Variants in VPS13A observed in about 807,000 individuals in gnomAD.
The protein encoded by VPS13A is vacuolar protein sorting 13 homolog A, also known as intermembrane lipid transfer protein VPS13A.
A neutral mutation model predicts 390.9 loss-of-function variants in VPS13A; 264 were observed. The observed-to-expected ratio is 0.68, with a 90% CI of 0.61 to 0.75. The LOEUF (loss-of-function observed/expected upper bound fraction) is 0.75. VPS13A is among the 30% of genes least tolerant of loss of function. VPS13A has a pLI of 0.00. For missense variants in VPS13A, 3,409 were observed against 3,733.9 expected, an observed-to-expected ratio of 0.91 and a Z score of 2.27; for synonymous variants, 1,231 against 1,227.1, an observed-to-expected ratio of 1.00 and a Z score of -0.07.
At chr9:77,408,170 T>C (rs1158506924) in intron 71 of VPS13A, among the ~76,000 whole-genome samples, 1 of 152,194 alleles carries the variant, frequency 6.6e-6, no homozygotes, top group Non-Finnish European at 1.5e-5. Flanking sequence ...CTTTAGGGAT[T>C]ATGGCAATCA....
Position 77,220,401 on chromosome 9 carries a change from T to C in VPS13A, c.989+18T>C, listed in dbSNP as rs750826073. The C allele has an allele frequency of 3.2e-6, 5 of 1,538,862 alleles. No homozygotes were observed. The South Asian group carries it at 5.9e-5, about 18-fold the overall frequency. ...AGAGAATGGTAAATGCCTTGATTTTTTTTTTTTTTTAGATTTTAAAAATAC... is the reference window on the plus strand; with the variant it reads ...AGAGAATGGTAAATGCCTTGATTTTCTTTTTTTTTTAGATTTTAAAAATAC... On this transcript the variant is annotated intron_variant, in intron 12 of 71. Transcript: ENST00000360280.
intron 68 of VPS13A, among the ~76,000 whole-genome samples, chr9:77,386,932 C>T (rs1833712347): frequency 6.6e-6 from 1 of 151,982 alleles, no homozygotes; most frequent in Non-Finnish European, 1.5e-5. Context: ...TGGTCTCGAT[C>T]TGACCTCGTG....
intron 50 of VPS13A, 111 bp from the exon 51 acceptor site, chr9:77,344,042 A>G (rs1224198591): frequency 2.8e-6 from 3 of 1,056,756 alleles, no homozygotes; most frequent in Non-Finnish European, 4.1e-6. Context: ...GAGCAGTGTT[A>G]AAACAGGTTT....
intron 1 of VPS13A, among the ~76,000 whole-genome samples, chr9:77,194,646 A>G (rs1338909635): frequency 6.6e-6 from 1 of 152,166 alleles, no homozygotes; most frequent in South Asian, 2.1e-4. Flanking sequence ...CTAGAGGTCC[A>G]TGACAAGAAC....
intron 1 of VPS13A, among the ~76,000 whole-genome samples, chr9:77,188,682 C>G (rs891612724): frequency 2.0e-5 from 3 of 152,216 alleles, no homozygotes; most frequent in African/African-American, 7.2e-5. Context: ...TTTGGTAGTT[C>G]TTAGTTCTTA....
At chr9:77,216,307 G>A (rs1270596026) in intron 10 of VPS13A, among the ~76,000 whole-genome samples, 1 of 152,184 alleles carries the variant, frequency 6.6e-6, no homozygotes, top group African/African-American at 2.4e-5. Flanking sequence ...TGGCATACCT[G>A]TTGGAGAGCG....
chr9:77,193,063 G>C (rs34759780), intron 1 of VPS13A, among the ~76,000 whole-genome samples: 119 of 151,674 alleles, frequency 7.8e-4, no homozygotes, highest in Non-Finnish European at 1.3e-3. Context: ...CTTTATTTTT[G>C]TCTGAGTTGA....
intron 24 of VPS13A, 29 bp from the exon 25 acceptor site, chr9:77,275,469 T>C (rs1239242362): frequency 7.5e-6 from 12 of 1,603,946 alleles, no homozygotes; most frequent in Non-Finnish European, 1.0e-5. Flanking sequence ...TTTTAATTAT[T>C]GACTTAAATA....
intron 44 of VPS13A, among the ~76,000 whole-genome samples, chr9:77,322,591 A>C (rs1397267890): frequency 6.6e-6 from 1 of 151,950 alleles, no homozygotes; most frequent in Non-Finnish European, 1.5e-5. Context: ...TTATGCAAGT[A>C]AGTAATTTTA....
At chr9:77,212,042 T>C (rs1217231314) in intron 7 of VPS13A, among the ~76,000 whole-genome samples, 5 of 152,202 alleles carry the variant, frequency 3.3e-5, no homozygotes, top group Non-Finnish European at 7.3e-5. Flanking sequence ...CCAAAAAGGT[T>C]GGGGACCACT....
intron 68 of VPS13A, among the ~76,000 whole-genome samples, chr9:77,400,809 C>T (rs966293032): frequency 1.0e-4 from 14 of 136,490 alleles, no homozygotes; most frequent in African/African-American, 3.9e-4. Context: ...GCCTGGGCAA[C>T]AGAGCGAGAC....
chr9:77,261,208 T>C (rs1260890114), intron 23 of VPS13A, among the ~76,000 whole-genome samples: 1 of 152,170 alleles, frequency 6.6e-6, no homozygotes, highest in Non-Finnish European at 1.5e-5. Context: ...CTGTATTCTT[T>C]TATTTTTAAA....
chr9:77,351,357 G>A lies in VPS13A; in HGVS notation c.7330G>A (p.Ala2444Thr), dbSNP rs780134818. ...AGAAGATTCCCTCCCTCCTGGTAAA[G>A]CCGTGTTTTATACATGGGCTGATCC... ...EIEDSLPPGK[A>T]VFYTWADPVG... Residue 2444 changes from alanine to threonine, a missense_variant, in exon 53 of 72, where the codon GCC (alanine) becomes ACC (threonine). This residue lies in a region of VPS13A where 2,717 missense variants were observed against 2,917.4 expected (regional missense o/e 0.93). Coordinates refer to ENST00000360280, the MANE Select transcript of VPS13A (RefSeq NM_033305.3). 1 of 1,613,920 alleles carries A rather than the reference G, an allele frequency of 6.2e-7. No individual in the cohort carries two copies. The highest frequency in any genetic ancestry group is 8.5e-7 in the Non-Finnish European group (1 of 1,179,894).
At chr9:77,373,725 G>A (rs956746195) in intron 67 of VPS13A, among the ~76,000 whole-genome samples, 44 of 150,774 alleles carry the variant, frequency 2.9e-4, no homozygotes, top group Admixed American at 6.6e-4. Flanking sequence ...GAAAATTTTC[G>A]CAACCTACTC....
At chr9:77,277,701 G>A (rs916399526) in intron 26 of VPS13A, among the ~76,000 whole-genome samples, 3 of 151,950 alleles carry the variant, frequency 2.0e-5, no homozygotes, top group African/African-American at 4.8e-5. Flanking sequence ...CTTTCACTTA[G>A]TAATATATGC....
At position 77,371,125 on chromosome 9, in the gene VPS13A, G is replaced by T; in HGVS notation, c.9053G>T (p.Ser3018Ile). The change falls in exon 67 of 72, where the codon AGC becomes ATC. Residue 3018 changes from serine (S) to isoleucine (I), a missense_variant. By Grantham distance (142) the Ser-to-Ile change is moderately radical. Around this residue, in one of 5 missense-constraint regions of VPS13A, gnomAD observed 318 missense variants for 333.7 expected, o/e 0.95. Transcript: ENST00000360280. ...ACTGGAGGCATCATAGACATGGCTAGCAGTACATTTCAGGGAATAAAAAGG... is the reference window on the plus strand; with the variant it reads ...ACTGGAGGCATCATAGACATGGCTATCAGTACATTTCAGGGAATAAAAAGG... ...RPTGGIIDMA[S>I]STFQGIKRAT... 1 of 1,614,102 alleles carries T rather than the reference G, an allele frequency of 6.2e-7. No homozygotes were observed. Among genetic ancestry groups the T allele is most frequent in the Non-Finnish European group, 8.5e-7 (1 of 1,179,982 alleles).
intron 45 of VPS13A, among the ~76,000 whole-genome samples, chr9:77,330,192 A>C (rs1830212638): frequency 6.6e-6 from 1 of 151,830 alleles, no homozygotes; most frequent in Non-Finnish European, 1.5e-5. Context: ...ATCTTTTAAT[A>C]TTTTGTAGAG....
chr9:77,386,307 T>A (rs979664868), intron 68 of VPS13A, among the ~76,000 whole-genome samples: 1 of 152,118 alleles, frequency 6.6e-6, no homozygotes, highest in African/African-American at 2.4e-5. Flanking sequence ...GAAGGAAGAG[T>A]CTGGAAGTTT....
chr9:77,197,181 C>T (rs1174580377), intron 1 of VPS13A, among the ~76,000 whole-genome samples: 1 of 152,120 alleles, frequency 6.6e-6, no homozygotes, highest in Admixed American at 6.5e-5. Flanking sequence ...TGTTTTATGA[C>T]CTCACATATA....
Sources: allele counts gnomAD v4.1 joint callset (sites outside exome capture counted in the v4.1 genomes callset), GRCh38; gene constraint gnomAD v4.1.1; regional missense constraint gnomAD v4.1.1; transcripts MANE v1.5; gene names NCBI Gene and HGNC (gene_info 2026-07-23, HGNC 2026-07-21).